The following ARHGAP26 variants were observed in gnomAD, a reference collection of about 807,000 sequenced individuals.
The protein encoded by ARHGAP26 is rho GTPase-activating protein 26.
A neutral mutation model predicts 104.8 loss-of-function variants in ARHGAP26; 38 were observed. The ratio of observed to expected loss-of-function variants is 0.36; its 90% CI spans 0.28 to 0.48. The LOEUF is 0.48. Ranked by LOEUF, ARHGAP26 falls within the 20% of genes least tolerant of loss-of-function variation. The pLI, the probability that ARHGAP26 is intolerant of heterozygous loss-of-function variation, is 0.99. For synonymous variants in ARHGAP26, 341 were observed against 340.0 expected (o/e 1.00, Z -0.03); for missense variants, 704 against 947.9 (o/e 0.74, Z 3.38).
At position 143,145,834 on chromosome 5, in the gene ARHGAP26, CA is replaced by C. The variant is rs1799089664; in HGVS notation, c.1838-1396del. Among the ~76,000 whole-genome samples, 4 of 152,278 alleles carry C rather than the reference CA, an allele frequency of 2.6e-5. No individual in the cohort carries two copies. In the South Asian group the frequency reaches 8.3e-4, roughly 32 times the overall value. On this transcript the variant is annotated intron_variant, in intron 19 of 22. Transcript: ENST00000645722. The stretch of plus-strand genomic sequence containing the variant: ...GGGCATTAAGGATTTGCTAAGATAT[CA>C]GGGGTATTGGGGTGAATGTGTATGT...
chr5:142,774,525 A>C (rs529288200), intron 1 of ARHGAP26, among the ~76,000 whole-genome samples: 2 of 152,076 alleles, frequency 1.3e-5, no homozygotes, highest in Non-Finnish European at 2.9e-5. Context: ...CCCTATTTCT[A>C]ACATCCTGCA....
At chr5:142,965,040 G>A (rs1010080908) in intron 11 of ARHGAP26, among the ~76,000 whole-genome samples, 5 of 152,198 alleles carry the variant, frequency 3.3e-5, no homozygotes, top group Admixed American at 6.5e-5. Flanking sequence ...TGGACAAGGG[G>A]CCCTTCCCTG....
chr5:143,035,157 A>C (rs937114701), intron 12 of ARHGAP26, among the ~76,000 whole-genome samples: 1 of 152,228 alleles, frequency 6.6e-6, no homozygotes, highest in African/African-American at 2.4e-5. Context: ...GGAACTATTA[A>C]TATTTCAGTT....
intron 17 of ARHGAP26, among the ~76,000 whole-genome samples, chr5:143,099,222 C>T (rs1353952175): frequency 2.0e-5 from 3 of 152,150 alleles, no homozygotes; most frequent in Non-Finnish European, 2.9e-5. Flanking sequence ...TAGTAAATAG[C>T]GTAAGTTAAG....
At chr5:143,051,359 A>G (rs1481013289) in intron 14 of ARHGAP26, among the ~76,000 whole-genome samples, 2 of 152,218 alleles carry the variant, frequency 1.3e-5, no homozygotes, top group Non-Finnish European at 2.9e-5. Context: ...TCAGGAGGAA[A>G]TAACATTCAT....
At chr5:142,863,015 C>G (rs908087396) in intron 1 of ARHGAP26, among the ~76,000 whole-genome samples, 1 of 151,934 alleles carries the variant, frequency 6.6e-6, no homozygotes, top group Admixed American at 6.5e-5. Context: ...AGTATATAAC[C>G]TCACCATTAA....
chr5:143,021,951 A>C (rs1780395045), intron 12 of ARHGAP26, among the ~76,000 whole-genome samples: 1 of 152,206 alleles, frequency 6.6e-6, no homozygotes, highest in African/African-American at 2.4e-5. Flanking sequence ...TGGGGTGTGC[A>C]CACCACTGGT....
Position 143,228,280 on chromosome 5 carries a change from A to G in ARHGAP26, c.*5834A>G, listed in dbSNP as rs202020916. On this transcript the variant is annotated 3_prime_UTR_variant, in exon 23 of 23. Transcript: ENST00000645722. ...GTGTATACAGCACATATTTACATCTATGAAGACATAGACACTTACAGAGAC... is the reference window on the plus strand; with the variant it reads ...GTGTATACAGCACATATTTACATCTGTGAAGACATAGACACTTACAGAGAC... 3.3e-4 allele frequency: 73 copies of G among 224,420 alleles called. No individual in the cohort carries two copies. Among genetic ancestry groups the G allele is most frequent in the Middle Eastern group, 1.3e-3 (1 of 744 alleles). 13.9% of individuals were successfully genotyped at this position (224,420 alleles called of 1,614,324 possible).
chr5:142,776,441 T>A (rs911970107), intron 1 of ARHGAP26, among the ~76,000 whole-genome samples: 4 of 152,252 alleles, frequency 2.6e-5, no homozygotes, highest in Non-Finnish European at 5.9e-5. Flanking sequence ...ATCTACTACT[T>A]TCTGTCTCTA....
At chr5:143,188,321 CAG>C (rs1208504603) in intron 20 of ARHGAP26, among the ~76,000 whole-genome samples, 2 of 152,162 alleles carry the variant, frequency 1.3e-5, no homozygotes, top group East Asian at 1.9e-4. Context: ...ACCACAAGGC[CAG>C]AGCAGGAATA....
intron 17 of ARHGAP26, among the ~76,000 whole-genome samples, chr5:143,116,406 T>G (rs1295953234): frequency 6.6e-6 from 1 of 152,150 alleles, no homozygotes; most frequent in Non-Finnish European, 1.5e-5. Flanking sequence ...CTCTTTGACA[T>G]TTTTCAACAT....
At chr5:143,123,008 T>C (rs145172749) in intron 18 of ARHGAP26, among the ~76,000 whole-genome samples, 1 of 152,324 alleles carries the variant, frequency 6.6e-6, no homozygotes, top group Non-Finnish European at 1.5e-5. Flanking sequence ...TTCAAGCATG[T>C]GTGCTTCAGG....
intron 12 of ARHGAP26, among the ~76,000 whole-genome samples, chr5:143,033,567 C>A (rs1026905438): frequency 1.3e-5 from 2 of 152,146 alleles, no homozygotes; most frequent in Admixed American, 1.3e-4. Context: ...TATCTTCTGA[C>A]CACTGGGGTC....
intron 5 of ARHGAP26, among the ~76,000 whole-genome samples, chr5:142,890,827 CA>C (rs763415246): frequency 6.6e-6 from 1 of 152,164 alleles, no homozygotes; most frequent in Non-Finnish European, 1.5e-5. Flanking sequence ...ATATTATCTC[CA>C]TCTTCTAAAG....
chr5:143,192,866 C>T (rs564349327), intron 20 of ARHGAP26, among the ~76,000 whole-genome samples: 1 of 151,908 alleles, frequency 6.6e-6, no homozygotes, highest in Non-Finnish European at 1.5e-5. Flanking sequence ...CAGATGTTGG[C>T]CATGTAACAT....
chr5:143,072,991 TATGTACCCCATGAATATGTACA>T (rs1788489940), intron 17 of ARHGAP26, among the ~76,000 whole-genome samples: 1 of 152,310 alleles, frequency 6.6e-6, no homozygotes, highest in East Asian at 1.9e-4. Flanking sequence ...AGAACATCAC[TATGTACCCCATGAATATGTACA>T]ATTATAATTT....
rs146106500 is a variant in ARHGAP26, at chr5:143,005,905, G to A, written c.1108-8175G>A. On this transcript the variant is annotated intron_variant, in intron 11 of 22. Transcript: ENST00000645722. ...CTAAGAGACTGCCTAGTCTTGAGAT[G>A]CCTCTGATTGTGTAGGGGAAGGGAC... Among the ~76,000 whole-genome samples, 35 of 152,252 alleles carry A rather than the reference G, an allele frequency of 2.3e-4. No individual in the cohort carries two copies. In the East Asian group the frequency reaches 5.8e-3, roughly 25 times the overall value.
chr5:142,811,770 C>T (rs890576094), intron 1 of ARHGAP26, among the ~76,000 whole-genome samples: 1 of 152,238 alleles, frequency 6.6e-6, no homozygotes, highest in African/African-American at 2.4e-5. Flanking sequence ...TAAATGCTAG[C>T]TTTTCACTTA....
chr5:143,081,788 C>T (rs1170866772), intron 17 of ARHGAP26, among the ~76,000 whole-genome samples: 1 of 152,066 alleles, frequency 6.6e-6, no homozygotes, highest in Non-Finnish European at 1.5e-5. Flanking sequence ...CCGAGGCCGG[C>T]GGATCACAAG....
Sources: gnomAD v4.1 joint callset for allele counts (sites outside exome capture counted in the v4.1 genomes callset) on GRCh38, gnomAD v4.1.1 for gene constraint, MANE v1.5 for transcripts, NCBI Gene and HGNC (gene_info 2026-07-23, HGNC 2026-07-21) for gene names.